PARP14: variants seen among roughly 807,000 people sequenced by gnomAD.
PARP14 encodes the protein protein mono-ADP-ribosyltransferase PARP14.
A neutral mutation model predicts 154.2 loss-of-function variants in PARP14; 59 were observed. That is an observed-to-expected ratio of 0.38 (90% CI 0.31 to 0.48). The LOEUF (loss-of-function observed/expected upper bound fraction) is 0.48, where lower values mean the gene tolerates loss of function less well. PARP14 is among the 20% of genes least tolerant of loss of function. The pLI, the probability that PARP14 is intolerant of heterozygous loss-of-function variation, is 0.98. For missense variants in PARP14, 1,734 were observed against 2,131.6 expected (o/e 0.81, Z 3.67); for synonymous variants, 720 against 780.5 (o/e 0.92, Z 1.29).
intron 9 of PARP14, among the ~76,000 whole-genome samples, chr3:122,709,325 C>T (rs533465943): frequency 6.6e-6 from 1 of 152,270 alleles, no homozygotes; most frequent in South Asian, 2.1e-4. Flanking sequence ...CATTCCTAAG[C>T]TACTTCACTT....
At chr3:122,714,120 A>G (rs1576597574) in intron 11 of PARP14, 142 bp from the exon 12 acceptor site, 2 of 782,138 alleles carry the variant, frequency 2.6e-6, no homozygotes, top group East Asian at 5.5e-5. Flanking sequence ...AAGTTAAGTC[A>G]TAGCATTCCA....
chr3:122,692,361 A>T lies in PARP14; in HGVS notation c.416A>T (p.Asp139Val). Residue 139 changes from aspartate to valine, a missense_variant, in exon 4 of 17, where the codon GAT becomes GTT. Around this residue, in one of 2 missense-constraint regions of PARP14, gnomAD observed 1,646 missense variants for 1,976.0 expected, o/e 0.83. Coordinates refer to ENST00000474629, the MANE Select transcript of PARP14 (RefSeq NM_017554.3). ...PLDGGLDKME[D>V]IPEECENISS... ...GATGGTGGATTAGACAAAATGGAAG[A>T]TATCCCAGAGGAATGTGAAAATATT... 1 of 1,613,228 alleles carries T rather than the reference A, an allele frequency of 6.2e-7. No homozygotes were observed.
At position 122,694,381 on chromosome 3, in the gene PARP14, T is replaced by A. The variant is rs115250962; in HGVS notation, c.599-1045T>A. The stretch of plus-strand genomic sequence containing the variant: ...CATTGTCTGATTCCCAGTATTAGTC[T>A]TCCCACCTCATTTGATCCCACAATA... On this transcript the variant is annotated intron_variant, in intron 4 of 16. Transcript: ENST00000474629. 6.9e-3 allele frequency among the ~76,000 whole-genome samples: 1,046 copies of A among 152,322 alleles called. 5 individuals are homozygous for A. The highest frequency in any genetic ancestry group is 0.022 in the African/African-American group (915 of 41,566).
intron 8 of PARP14, among the ~76,000 whole-genome samples, chr3:122,706,558 G>A (rs1939156776): frequency 6.6e-6 from 1 of 152,170 alleles, no homozygotes; most frequent in South Asian, 2.1e-4. Flanking sequence ...GCTTGGGACA[G>A]GAAGTTTTCC....
chr3:122,687,508 G>A (rs970836054), intron 3 of PARP14, among the ~76,000 whole-genome samples: 10 of 152,246 alleles, frequency 6.6e-5, no homozygotes, highest in Admixed American at 6.5e-4. Flanking sequence ...AGCACTGGGT[G>A]TGAGGGTGCT....
At chr3:122,692,696 G>T (rs1283382446) in intron 4 of PARP14, among the ~76,000 whole-genome samples, 153 bp downstream of exon 4, 1 of 152,212 alleles carries the variant, frequency 6.6e-6, no homozygotes, top group Non-Finnish European at 1.5e-5. Flanking sequence ...TATTTTGAAA[G>T]TGAAGCATAT....
rs1938984518 is a variant in PARP14 at position 122,701,665 on chromosome 3, G to A, written c.3081+30G>A. ...GTGTCGCTTTTACAGAACACCACCA[G>A]GGCACTGTGACTTTACTTAGTCAGT... On this transcript the variant is annotated intron_variant, in intron 6 of 16. Coordinates refer to ENST00000474629, the MANE Select transcript of PARP14 (RefSeq NM_017554.3). This position sits in a 1 kb window ranked among gnomAD's most constrained non-coding sequence, Gnocchi z 4.0. The A allele has an allele frequency of 2.0e-6, 3 of 1,468,810 alleles. No individual in the cohort carries two copies. Among genetic ancestry groups the A allele is most frequent in the Non-Finnish European group, 2.8e-6 (3 of 1,089,724 alleles). 91.0% of individuals were successfully genotyped at this position (1,468,810 alleles called of 1,614,324 possible). A position where few individuals can be genotyped will look rare whatever the true frequency, so the allele number is the denominator to read the frequency against.
chr3:122,728,072 G>T (rs1933334883), intron 16 of PARP14, 86 bp downstream of exon 16: 1 of 1,248,362 alleles, frequency 8.0e-7, no homozygotes, highest in Non-Finnish European at 1.1e-6. Context: ...ATTCATTGTG[G>T]TCCCCCATCA....
At position 122,730,621 on chromosome 3, in the gene PARP14, C is replaced by A. The variant is rs1933399949; in HGVS notation, c.*2024C>A. The A allele has an allele frequency of 6.6e-6, 1 of 152,574 alleles. No individual in the cohort carries two copies. The highest frequency in any genetic ancestry group is 1.5e-5 in the Non-Finnish European group (1 of 68,028). The allele number at this position is 152,574 out of a possible 1,614,324, so 9.5% of individuals were successfully genotyped here. On this transcript the variant is annotated 3_prime_UTR_variant, in exon 17 of 17. Transcript: ENST00000474629. Reference sequence around the variant, plus strand: ...TAGGCAGGCCACTGGCATCTGAATTCATCATTGACAATAAATGTAAGAAAT... The same window carrying A: ...TAGGCAGGCCACTGGCATCTGAATTAATCATTGACAATAAATGTAAGAAAT...
chr3:122,723,810 CTT>C, intron 15 of PARP14, among the ~76,000 whole-genome samples: 1 of 152,200 alleles, frequency 6.6e-6, no homozygotes, highest in Non-Finnish European at 1.5e-5. Flanking sequence ...TACTGATTGA[CTT>C]TCACTTCCAT....
chr3:122,684,908 A>G (rs1938321530), intron 1 of PARP14, among the ~76,000 whole-genome samples: 1 of 152,188 alleles, frequency 6.6e-6, no homozygotes, highest in African/African-American at 2.4e-5. Flanking sequence ...CTCATACAAA[A>G]CAGTCTCCAT....
intron 9 of PARP14, among the ~76,000 whole-genome samples, chr3:122,708,741 T>G (rs899734278): frequency 4.6e-5 from 7 of 152,170 alleles, no homozygotes; most frequent in Admixed American, 1.3e-4. Context: ...ATTTCATATC[T>G]CCTTCTGTTT....
Position 122,718,984 on chromosome 3 carries a change from T to C in PARP14, c.4807+26T>C, listed in dbSNP as rs780091056. 4 of 1,520,220 alleles carry C rather than the reference T, an allele frequency of 2.6e-6. No individual in the cohort carries two copies. In the South Asian group the frequency reaches 3.9e-5, roughly 15 times the overall value. The allele number at this position is 1,520,220 out of a possible 1,614,324, so 94.2% of individuals were successfully genotyped here. ...GTGAGTTAAACATTCATACTTGTCA[T>C]CCACTATTTCACATCTACTTTGGGC... On this transcript the variant is annotated intron_variant, in intron 14 of 16. Coordinates refer to ENST00000474629, the MANE Select transcript of PARP14 (RefSeq NM_017554.3).
Position 122,685,234 on chromosome 3 carries a change from A to G in PARP14, c.237A>G (p.Gly79=). 1 of 1,613,740 alleles carries G rather than the reference A, an allele frequency of 6.2e-7. No homozygotes were observed. Among genetic ancestry groups the G allele is most frequent in the Admixed American group, 1.7e-5 (1 of 60,024 alleles). ...ERKNHELVWQ[G]KGTFKLTVQL... is the part of the protein sequence containing the mutation. ...AAAATCATGAGTTGGTATGGCAAGGAAAAGGAACATTCAAGTTAACTGTCC... is the reference window on the plus strand; with the variant it reads ...AAAATCATGAGTTGGTATGGCAAGGGAAAGGAACATTCAAGTTAACTGTCC... Residue 79 remains glycine, a synonymous_variant, in exon 2 of 17, where the codon GGA becomes GGG. Coordinates refer to ENST00000474629, the MANE Select transcript of PARP14 (RefSeq NM_017554.3).
At chr3:122,689,791 C>G (rs914684279) in intron 3 of PARP14, among the ~76,000 whole-genome samples, 1 of 152,148 alleles carries the variant, frequency 6.6e-6, no homozygotes, top group Non-Finnish European at 1.5e-5. Context: ...TTCATGGAAA[C>G]CTTCCATGAC....
intron 15 of PARP14, among the ~76,000 whole-genome samples, chr3:122,726,594 T>C (rs559370945): frequency 6.6e-6 from 1 of 152,312 alleles, no homozygotes; most frequent in South Asian, 2.1e-4. Flanking sequence ...ACCTACTAAA[T>C]AAAGTTTAAG....
At chr3:122,687,863 G>A (rs1343987063) in intron 3 of PARP14, among the ~76,000 whole-genome samples, 1 of 152,222 alleles carries the variant, frequency 6.6e-6, no homozygotes, top group African/African-American at 2.4e-5. Flanking sequence ...AATGAACAAT[G>A]TATAATCATT....
chr3:122,720,090 G>T (rs1158876224), intron 14 of PARP14, among the ~76,000 whole-genome samples, 165 bp from the exon 15 acceptor site: 1 of 152,206 alleles, frequency 6.6e-6, no homozygotes, highest in Non-Finnish European at 1.5e-5. Context: ...AGTTGGTTCT[G>T]ATGTAGGTTG....
In PARP14 at chr3:122,699,455, T is replaced by C; in HGVS notation, c.901T>C (p.Tyr301His). ...AATGCCACTTTCTGTGTTCCCATAC[T>C]ATGCCTCATTGGGCACAGCCTTGTA... ...NKMPLSVFPYYASLGTALYGK... is the reference protein window; with the variant it reads ...NKMPLSVFPYHASLGTALYGK... The change falls in exon 6 of 17, where the codon TAT becomes CAT. Residue 301 changes from tyrosine to histidine, a missense_variant. By Grantham distance (83) the Tyr-to-His change is moderately conservative. Around this residue, in one of 2 missense-constraint regions of PARP14, gnomAD observed 1,646 missense variants for 1,976.0 expected, o/e 0.83. Coordinates refer to ENST00000474629, the MANE Select transcript of PARP14 (RefSeq NM_017554.3). 6.2e-7 allele frequency: 1 copy of C among 1,613,806 alleles called. No homozygotes were observed. The highest frequency in any genetic ancestry group is 8.5e-7 in the Non-Finnish European group (1 of 1,179,678).
Sources: allele counts gnomAD v4.1 joint callset (sites outside exome capture counted in the v4.1 genomes callset), GRCh38; gene constraint gnomAD v4.1.1; regional missense constraint gnomAD v4.1.1; non-coding constraint Gnocchi (gnomAD v3.1); transcripts MANE v1.5; gene names NCBI Gene and HGNC (gene_info 2026-07-23, HGNC 2026-07-21).